ENPP1: variants seen among roughly 807,000 people sequenced by gnomAD.
The protein encoded by ENPP1 is ectonucleotide pyrophosphatase/phosphodiesterase family member 1.
Under a neutral mutation model 122.8 loss-of-function variants are expected in ENPP1, and 73 were observed. That is an observed-to-expected ratio of 0.59 (90% CI 0.49 to 0.72). The LOEUF (loss-of-function observed/expected upper bound fraction) is 0.72, where lower values mean the gene tolerates loss of function less well. Among genes scored for constraint, ENPP1 ranks in the 30% least tolerant of loss-of-function variants. The pLI is 0.00. For missense variants in ENPP1, 978 were observed against 1,128.1 expected (o/e 0.87, Z 1.91); for synonymous variants, 367 against 391.6 (o/e 0.94, Z 0.74).
intron 1 of ENPP1, among the ~76,000 whole-genome samples, chr6:131,836,661 GC>G (rs1332693967): frequency 6.6e-6 from 1 of 152,048 alleles, no homozygotes; most frequent in Non-Finnish European, 1.5e-5. Context: ...TGACATGATG[GC>G]ATACGTCCAG....
Position 131,893,748 on chromosome 6 carries a change from C to G in ENPP1, c.*3237C>G, listed in dbSNP as rs1364991753. On this transcript the variant is annotated 3_prime_UTR_variant, in exon 25 of 25. Transcript: ENST00000647893. Reference sequence around the variant, plus strand: ...TTTTTTCTTTTCTTGAAAGAGACTCCTCCTTTCTTTTCTTTTCTTGAAAGA... The same window carrying G: ...TTTTTTCTTTTCTTGAAAGAGACTCGTCCTTTCTTTTCTTTTCTTGAAAGA... 1.3e-5 allele frequency: 2 copies of G among 150,394 alleles called. No homozygotes were observed. The highest frequency in any genetic ancestry group is 4.8e-5 in the African/African-American group (2 of 41,288). The allele number at this position is 150,394 out of a possible 1,614,324, so 9.3% of individuals were successfully genotyped here. A position where few individuals can be genotyped will look rare whatever the true frequency, so the allele number is the denominator to read the frequency against.
At chr6:131,884,876 C>G in intron 22 of ENPP1, 55 bp from the exon 23 acceptor site, 4 of 1,591,086 alleles carry the variant, frequency 2.5e-6, no homozygotes, top group Non-Finnish European at 3.5e-6. Context: ...TTATTTCACA[C>G]GTCAACATGG....
intron 2 of ENPP1, among the ~76,000 whole-genome samples, chr6:131,849,749 T>A (rs1392824116): frequency 6.6e-6 from 1 of 152,224 alleles, no homozygotes; most frequent in Non-Finnish European, 1.5e-5. Flanking sequence ...CATTAAAAAG[T>A]TATCTTTCTT....
intron 4 of ENPP1, among the ~76,000 whole-genome samples, chr6:131,851,916 C>T (rs558419742): frequency 1.3e-5 from 2 of 152,154 alleles, no homozygotes; most frequent in South Asian, 2.1e-4. Flanking sequence ...GAAAAGATAC[C>T]TTCAAGTTCT....
intron 23 of ENPP1, among the ~76,000 whole-genome samples, chr6:131,886,018 A>T (rs1684129909): frequency 6.6e-6 from 1 of 152,246 alleles, no homozygotes; most frequent in African/African-American, 2.4e-5. Flanking sequence ...TTAAAATAGG[A>T]GAATGACTAT....
At position 131,847,866 on chromosome 6, in the gene ENPP1, T is replaced by A; in HGVS notation, c.313+18T>A. 7.4e-7 allele frequency: 1 copy of A among 1,358,982 alleles called. No individual in the cohort carries two copies. Among genetic ancestry groups the A allele is most frequent in the South Asian group, 1.2e-5 (1 of 84,370 alleles). 84.2% of individuals were successfully genotyped at this position (1,358,982 alleles called of 1,614,324 possible). On this transcript the variant is annotated intron_variant, in intron 2 of 24. Coordinates refer to ENST00000647893, the MANE Select transcript of ENPP1 (RefSeq NM_006208.3). ...CAAAGAAGGTAATTAGGTGTGTGTG[T>A]GTGTGTGTGTGTGTGTGTGTGTGTG...
chr6:131,836,855 G>A (rs1014142546), intron 1 of ENPP1, among the ~76,000 whole-genome samples: 5 of 152,152 alleles, frequency 3.3e-5, no homozygotes, highest in African/African-American at 1.2e-4. Flanking sequence ...CATCCATAGG[G>A]CAGAGATTGT....
At chr6:131,853,777 T>C (rs1290820750) in intron 5 of ENPP1, among the ~76,000 whole-genome samples, 1 of 152,182 alleles carries the variant, frequency 6.6e-6, no homozygotes, top group Non-Finnish European at 1.5e-5. Context: ...CTAACAGTTA[T>C]CCAGTGTTAT....
chr6:131,839,226 G>A (rs761148657), intron 1 of ENPP1, among the ~76,000 whole-genome samples: 10 of 151,914 alleles, frequency 6.6e-5, no homozygotes, highest in African/African-American at 1.2e-4. Context: ...GTGAAGTTTT[G>A]TATATGTCTT....
intron 1 of ENPP1, among the ~76,000 whole-genome samples, chr6:131,817,907 A>ATT (rs1562508672): frequency 2.0e-5 from 3 of 151,978 alleles, no homozygotes; most frequent in Non-Finnish European, 4.4e-5. Flanking sequence ...TGGATTGACC[A>ATT]TTTTCTCACC....
chr6:131,877,112 C>G lies in ENPP1; in HGVS notation c.1844C>G (p.Pro615Arg). 1 of 1,613,972 alleles carries G rather than the reference C, an allele frequency of 6.2e-7. No individual in the cohort carries two copies. The highest frequency in any genetic ancestry group is 8.5e-7 in the Non-Finnish European group (1 of 1,179,984). ...PKEVHPLVQC[P>R]FTRNPRDNLG... ...GAAGTGCACCCCCTGGTACAGTGCCCCTTCACAAGAAACCCCAGAGATAAC... is the reference window on the plus strand; with the variant it reads ...GAAGTGCACCCCCTGGTACAGTGCCGCTTCACAAGAAACCCCAGAGATAAC... The change falls in exon 18 of 25, where the codon CCC (proline) becomes CGC (arginine). Residue 615 changes from proline (P) to arginine (R), a missense_variant. By Grantham distance (103) the Pro-to-Arg change is moderately radical (BLOSUM62 -2). Transcript: ENST00000647893.
At chr6:131,835,536 ATTGT>A (rs1466188102) in intron 1 of ENPP1, among the ~76,000 whole-genome samples, 1 of 152,182 alleles carries the variant, frequency 6.6e-6, no homozygotes, top group Non-Finnish European at 1.5e-5. Flanking sequence ...ATCTAAAATA[ATTGT>A]TTATTTTTAT....
At chr6:131,873,567 C>G (rs756531585) in intron 15 of ENPP1, among the ~76,000 whole-genome samples, 1 of 151,948 alleles carries the variant, frequency 6.6e-6, no homozygotes, top group Admixed American at 6.6e-5. Flanking sequence ...TCATTATACA[C>G]GTTGTTTTTT....
At chr6:131,887,535 G>A (rs1417378391) in intron 24 of ENPP1, among the ~76,000 whole-genome samples, 3 of 147,226 alleles carry the variant, frequency 2.0e-5, no homozygotes, top group Non-Finnish European at 4.5e-5. Flanking sequence ...TGGGACTACA[G>A]GCGCCCGCCA....
chr6:131,828,939 A>G (rs1781577806), intron 1 of ENPP1, among the ~76,000 whole-genome samples: 2 of 152,240 alleles, frequency 1.3e-5, no homozygotes, highest in Non-Finnish European at 2.9e-5. Flanking sequence ...TACTGAGCCC[A>G]TCTTTCAAGG....
chr6:131,862,284 G>GA (rs1182134707), intron 9 of ENPP1, among the ~76,000 whole-genome samples: 1 of 152,184 alleles, frequency 6.6e-6, no homozygotes, highest in African/African-American at 2.4e-5. Context: ...GGGCAGACAT[G>GA]AAAAATGAGG....
At position 131,890,444 on chromosome 6, in the gene ENPP1, G is replaced by T; in HGVS notation, c.2711G>T (p.Arg904Ile). The T allele has an allele frequency of 6.2e-7, 1 of 1,613,676 alleles. No homozygotes were observed. Among genetic ancestry groups the T allele is most frequent in the Non-Finnish European group, 8.5e-7 (1 of 1,179,784 alleles). Residue 904 changes from arginine (R) to isoleucine (I), a missense_variant, in exon 25 of 25, where the codon AGA becomes ATA. Coordinates refer to ENST00000647893, the MANE Select transcript of ENPP1 (RefSeq NM_006208.3). ...ACTGGACTCAGCTTCTATCAACAAA[G>T]AAAAGAGCCAGTTTCAGACATTTTA... ...HITGLSFYQQ[R>I]KEPVSDILKL...
At chr6:131,886,040 G>A (rs1782373178) in intron 23 of ENPP1, among the ~76,000 whole-genome samples, 1 of 152,194 alleles carries the variant, frequency 6.6e-6, no homozygotes, top group East Asian at 1.9e-4. Flanking sequence ...AGGTAAAGAT[G>A]TTTGGGACAT....
chr6:131,808,423 G>A (rs753088279), intron 1 of ENPP1, 148 bp downstream of exon 1: 16 of 1,097,166 alleles, frequency 1.5e-5, no homozygotes, highest in Non-Finnish European at 1.7e-5. Flanking sequence ...GCTCTCCTCC[G>A]CAGCCTTTGC....
Sources: allele counts gnomAD v4.1 joint callset (sites outside exome capture counted in the v4.1 genomes callset), GRCh38; gene constraint gnomAD v4.1.1; transcripts MANE v1.5; gene names NCBI Gene and HGNC (gene_info 2026-07-23, HGNC 2026-07-21).